Variants in HNRNPA2B1 observed in about 807,000 individuals in gnomAD.
HNRNPA2B1 encodes the protein heterogeneous nuclear ribonucleoproteins A2/B1.
A neutral mutation model predicts 46.3 loss-of-function variants in HNRNPA2B1; 3 were observed. The ratio of observed to expected loss-of-function variants is 0.06; its 90% confidence interval spans 0.03 to 0.17. The LOEUF (loss-of-function observed/expected upper bound fraction) is 0.17, where lower values mean the gene tolerates loss of function less well. HNRNPA2B1 is among the 10% of genes least tolerant of loss of function. The pLI is 1.00. For missense variants in HNRNPA2B1, 221 were observed against 418.9 expected (o/e 0.53, Z 4.12); for synonymous variants, 225 against 133.8 (o/e 1.68, Z -4.70).
At chr7:26,200,495 G>T (rs1414470601) in intron 1 of HNRNPA2B1, 77 bp downstream of exon 1, 4 of 1,460,524 alleles carry the variant, frequency 2.7e-6, no homozygotes, top group Non-Finnish European at 2.9e-6. Context: ...CCACGGAGGC[G>T]GCTGGCCGAC....
intron 7 of HNRNPA2B1, 59 bp from the exon 8 acceptor site, chr7:26,193,753 T>C: frequency 1.5e-6 from 2 of 1,354,714 alleles, no homozygotes; most frequent in South Asian, 1.3e-5. Flanking sequence ...TTTTGAACTG[T>C]CTCCTCACAT....
chr7:26,192,865 GCTAGTTTA>G (rs1434159101), intron 9 of HNRNPA2B1, among the ~76,000 whole-genome samples: 1 of 152,128 alleles, frequency 6.6e-6, no homozygotes, highest in Non-Finnish European at 1.5e-5. Flanking sequence ...CCAAGACAAA[GCTAGTTTA>G]CTCCTAGCTA....
chr7:26,190,126 T>G lies in HNRNPA2B1; in HGVS notation c.*2234A>C, dbSNP rs747969265. The stretch of plus-strand genomic sequence containing the variant: ...TATGTGTAAACATTACACCAAGTAT[T>G]TGGATACAAAAAGTATTTATTTTAT... On this transcript the variant is annotated 3_prime_UTR_variant, in exon 11 of 11. Coordinates refer to ENST00000618183, the MANE Select transcript of HNRNPA2B1 (RefSeq NM_002137.4). 9.8e-5 allele frequency: 15 copies of G among 152,604 alleles called. No individual in the cohort carries two copies. The highest frequency in any genetic ancestry group is 5.2e-4 in the Admixed American group (8 of 15,268). 9.5% of individuals were successfully genotyped at this position (152,604 alleles called of 1,614,324 possible).
chr7:26,191,247 G>C lies in HNRNPA2B1; in HGVS notation c.*1113C>G, dbSNP rs1036492892. 1 of 152,190 alleles carries C rather than the reference G, an allele frequency of 6.6e-6. No homozygotes were observed. The highest frequency in any genetic ancestry group is 1.5e-5 in the Non-Finnish European group (1 of 67,978). The allele number at this position is 152,190 out of a possible 1,614,324, so 9.4% of individuals were successfully genotyped here. ...AACAACCAAAATAATTTAAGTAAATGACAGATTGGAAAACAGGGTTTATAA... is the reference window on the plus strand; with the variant it reads ...AACAACCAAAATAATTTAAGTAAATCACAGATTGGAAAACAGGGTTTATAA... On this transcript the variant is annotated 3_prime_UTR_variant, in exon 11 of 11. Coordinates refer to ENST00000618183, the MANE Select transcript of HNRNPA2B1 (RefSeq NM_002137.4).
rs566637719 is a variant in HNRNPA2B1 at position 26,196,676 on chromosome 7, G to A, written c.476-18C>T. 5.0e-6 allele frequency: 8 copies of A among 1,599,642 alleles called. No individual in the cohort carries two copies. The highest frequency in any genetic ancestry group is 1.3e-5 in the African/African-American group (1 of 74,412). ...TTTCTGCACTGGAATGAAAAATTCA[G>A]ACTCCTTTTAAATTAAATCAACAAT... is the stretch of plus-strand genomic sequence containing the variant. On this transcript the variant is annotated intron_variant, in intron 4 of 10. Coordinates refer to ENST00000618183, the MANE Select transcript of HNRNPA2B1 (RefSeq NM_002137.4).
intron 1 of HNRNPA2B1, chr7:26,200,131 G>A (rs1291287455): frequency 2.4e-5 from 5 of 209,850 alleles, no homozygotes; most frequent in Non-Finnish European, 4.9e-5. Flanking sequence ...GGCGAGCCAT[G>A]AAAATGGCGG....
At chr7:26,198,737 A>T (rs2128126957) in intron 1 of HNRNPA2B1, 1 of 152,366 alleles carries the variant, frequency 6.6e-6, no homozygotes, top group East Asian at 1.9e-4. Flanking sequence ...AAAAACCTCA[A>T]ACGAGAGAAA....
Position 26,193,256 on chromosome 7 carries a change from C to T in HNRNPA2B1, c.959G>A (p.Gly320Asp). 1 of 1,612,594 alleles carries T rather than the reference C, an allele frequency of 6.2e-7. No homozygotes were observed. The highest frequency in any genetic ancestry group is 8.5e-7 in the Non-Finnish European group (1 of 1,179,438). ...GGSRNMGGPYGGGNYGPGGSG... is the reference protein window; with the variant it reads ...GGSRNMGGPYDGGNYGPGGSG... ...CCTCAATTTTTATAAATTACCTCCA[C>T]CATATGGTCCCCCCATGTTCCTGCT... Residue 320 changes from glycine to aspartate, a missense_variant, in exon 9 of 11, where the codon GGT becomes GAT. This residue lies in a region of HNRNPA2B1 where 143 missense variants were observed against 200.5 expected (regional missense o/e 0.71). Transcript: ENST00000618183.
In HNRNPA2B1 at chr7:26,192,555, A is replaced by G. The variant is rs764119920; in HGVS notation, c.987T>C (p.Ser329=). 5.0e-6 allele frequency: 8 copies of G among 1,613,802 alleles called. No individual in the cohort carries two copies. The highest frequency in any genetic ancestry group is 5.9e-6 in the Non-Finnish European group (7 of 1,179,842). ...YGGGNYGPGG[S]GGSGGYGGRS... ...TCCCACCATAACCCCCACTTCCTCC[A>G]CTGCCTCCTGGACCATAGTTTCCTA... The change falls in exon 10 of 11, where the codon AGT becomes AGC. Residue 329 remains serine (S), a synonymous_variant. Transcript: ENST00000618183.
chr7:26,197,065 G>T, intron 3 of HNRNPA2B1, 48 bp from the exon 4 acceptor site: 2 of 1,465,574 alleles, frequency 1.4e-6, no homozygotes, highest in Non-Finnish European at 1.9e-6. Context: ...AAAAACACAA[G>T]CATAATTCAA....
At chr7:26,192,688 A>T (rs1314676583) in intron 9 of HNRNPA2B1, 111 bp from the exon 10 acceptor site, 1 of 868,322 alleles carries the variant, frequency 1.2e-6, no homozygotes, top group Non-Finnish European at 1.9e-6. Flanking sequence ...AAACAAGCAG[A>T]TCCTAATCCT....
intron 1 of HNRNPA2B1, chr7:26,199,300 A>C (rs1182716486): frequency 1.3e-5 from 2 of 152,572 alleles, no homozygotes; most frequent in Non-Finnish European, 2.9e-5. Context: ...TTCGCTTGAG[A>C]CCTTATGCTT....
chr7:26,197,940 A>T, intron 1 of HNRNPA2B1: 2 of 1,058,020 alleles, frequency 1.9e-6, no homozygotes, highest in East Asian at 2.5e-5. Context: ...TTACACCAAA[A>T]AATTGCCTCA....
rs1241535522 is a variant in HNRNPA2B1 at position 26,193,237 on chromosome 7, T to G, written c.964+14A>C. On this transcript the variant is annotated intron_variant, in intron 9 of 10. Coordinates refer to ENST00000618183, the MANE Select transcript of HNRNPA2B1 (RefSeq NM_002137.4). ...ATCACAAAAATCTGAATAACCTCAA[T>G]TTTTATAAATTACCTCCACCATATG... The G allele has an allele frequency of 6.2e-7, 1 of 1,604,392 alleles. No individual in the cohort carries two copies. Among genetic ancestry groups the G allele is most frequent in the Non-Finnish European group, 8.5e-7 (1 of 1,177,134 alleles).
At position 26,197,385 on chromosome 7, in the gene HNRNPA2B1, G is replaced by A. The variant is rs367619498; in HGVS notation, c.194C>T (p.Ala65Val). 6.2e-7 allele frequency: 1 copy of A among 1,613,952 alleles called. No individual in the cohort carries two copies. The highest frequency in any genetic ancestry group is 8.5e-7 in the Non-Finnish European group (1 of 1,179,884). ...TGAATGAGGTCTTGCAGCCATGGCA[G>A]CATCAACCTCAGCCATGGATGAAAA... The part of the protein sequence containing the change: ...VTFSSMAEVD[A>V]AMAARPHSID... Residue 65 changes from alanine (A) to valine (V), a missense_variant, in exon 3 of 11, where the codon GCT becomes GTT. By Grantham distance (64) the Ala-to-Val change is moderately conservative. This residue lies in a region of HNRNPA2B1 where 78 missense variants were observed against 218.5 expected (regional missense o/e 0.36). Transcript: ENST00000618183.
At position 26,197,715 on chromosome 7, in the gene HNRNPA2B1, G is replaced by A. The variant is rs1783803203; in HGVS notation, c.24C>T (p.Phe8=). The A allele has an allele frequency of 1.2e-6, 2 of 1,613,436 alleles. No homozygotes were observed. The highest frequency in any genetic ancestry group is 2.2e-5 in the East Asian group (1 of 44,840). Residue 8 remains phenylalanine, a synonymous_variant, in exon 2 of 11, where the codon TTC becomes TTT. Coordinates refer to ENST00000618183, the MANE Select transcript of HNRNPA2B1 (RefSeq NM_002137.4). The stretch of plus-strand genomic sequence containing the variant: ...TTAAGCCACCAATAAAGAGCTTACG[G>A]AACTGTTCCTTTTCTCTCTGCAAAG... MEREKEQ[F]RKLFIGGLSF...
intron 10 of HNRNPA2B1, 33 bp downstream of exon 10, chr7:26,192,462 T>A: frequency 7.1e-7 from 1 of 1,406,100 alleles, no homozygotes; most frequent in South Asian, 1.2e-5. Context: ...TCTCCCAAGA[T>A]AATAATAATT....
intron 8 of HNRNPA2B1, 101 bp from the exon 9 acceptor site, chr7:26,193,474 A>C: frequency 6.5e-7 from 1 of 1,528,882 alleles, no homozygotes; most frequent in Non-Finnish European, 8.8e-7. Flanking sequence ...TTATCCACAA[A>C]TTTTATGGGC....
At chr7:26,193,045 C>T (rs544230551) in intron 9 of HNRNPA2B1, among the ~76,000 whole-genome samples, 1 of 152,262 alleles carries the variant, frequency 6.6e-6, no homozygotes, top group South Asian at 2.1e-4. Context: ...CCCCCACCTC[C>T]AACATCCCTA....
Sources: gnomAD v4.1 joint callset for allele counts (sites outside exome capture counted in the v4.1 genomes callset) on GRCh38, gnomAD v4.1.1 for gene constraint, gnomAD v4.1.1 regional missense constraint, MANE v1.5 for transcripts, NCBI Gene and HGNC (gene_info 2026-07-23, HGNC 2026-07-21) for gene names.